PLAU: variants seen among roughly 807,000 people sequenced by gnomAD.
PLAU encodes plasminogen activator, urokinase.
In PLAU, 32 loss-of-function variants were observed where a neutral mutation model predicts 48.9. The observed-to-expected ratio is 0.65, with a 90% CI of 0.49 to 0.88. The LOEUF is 0.88. Ranked by LOEUF, PLAU falls within the 40% of genes least tolerant of loss-of-function variation. The pLI is 0.00. For missense variants in PLAU, 455 were observed against 545.2 expected (o/e 0.83, Z 1.65); for synonymous variants, 199 against 205.7 (o/e 0.97, Z 0.28).
Position 73,913,640 on chromosome 10 carries a change from G to T in PLAU, c.562G>T (p.Glu188Ter). ...KIIGGEFTTI[E>*]NQPWFAAIYR... The stretch of plus-strand genomic sequence containing the variant: ...TATTGGGGGAGAATTCACCACCATC[G>T]AGAACCAGCCCTGGTTTGCGGCCAT... The change falls in exon 7 of 11, where the codon GAG becomes TAG. Residue 188 changes from glutamate to a stop codon, truncating the protein, a stop_gained. Coordinates refer to ENST00000372764, the MANE Select transcript of PLAU (RefSeq NM_002658.6). LOFTEE classifies it high-confidence loss of function. 2 of 1,613,942 alleles carry T rather than the reference G, an allele frequency of 1.2e-6. No homozygotes were observed. The highest frequency in any genetic ancestry group is 1.7e-6 in the Non-Finnish European group (2 of 1,179,948).
chr10:73,911,793 C>T, intron 2 of PLAU, 181 bp downstream of exon 2: 1 of 1,551,764 alleles, frequency 6.4e-7, no homozygotes, highest in East Asian at 2.4e-5. Context: ...TTGGCACTGG[C>T]TGGCAAGGGA....
rs773954892 is a variant in PLAU, at chr10:73,913,364, T to C, written c.443T>C (p.Val148Ala). 2.5e-6 allele frequency: 4 copies of C among 1,613,988 alleles called. No individual in the cohort carries two copies. The highest frequency in any genetic ancestry group is 2.2e-5 in the East Asian group (1 of 44,874). ...AAGCTGCTTGTCCAAGAGTGCATGG[T>C]GCATGACTGCGCAGATGGTGAGCAT... ...GLKLLVQECMVHDCADGKKPS... is the reference protein window; with the variant it reads ...GLKLLVQECMAHDCADGKKPS... The change falls in exon 6 of 11, where the codon GTG becomes GCG. Residue 148 changes from valine to alanine, a missense_variant. By Grantham distance (64) the Val-to-Ala change is moderately conservative. Coordinates refer to ENST00000372764, the MANE Select transcript of PLAU (RefSeq NM_002658.6).
rs968991989 is a variant in PLAU at position 73,916,250 on chromosome 10, A to T, written c.1120-139A>T. On this transcript the variant is annotated intron_variant, in intron 10 of 10. Coordinates refer to ENST00000372764, the MANE Select transcript of PLAU (RefSeq NM_002658.6). Reference sequence around the variant, plus strand: ...AGAGCGAGATTCTGTCCTCCCCCCGAAAAAAAGAAAGAAAATGGGAAGTCG... The same window carrying T: ...AGAGCGAGATTCTGTCCTCCCCCCGTAAAAAAGAAAGAAAATGGGAAGTCG... The T allele has an allele frequency of 5.3e-5, 41 of 774,704 alleles. No individual in the cohort carries two copies. The African/African-American group carries it at 7.2e-4, about 14-fold the overall frequency. 48.0% of individuals were successfully genotyped at this position (774,704 alleles called of 1,614,324 possible).
chr10:73,913,198 A>G, intron 5 of PLAU, 92 bp from the exon 6 acceptor site: 1 of 1,572,128 alleles, frequency 6.4e-7, no homozygotes, highest in South Asian at 1.1e-5. Context: ...GCACAAGAGA[A>G]GTGCGGCCTC....
chr10:73,912,017 A>G, intron 2 of PLAU, 24 bp from the exon 3 acceptor site: 1 of 1,613,862 alleles, frequency 6.2e-7, no homozygotes, highest in Non-Finnish European at 8.5e-7. Context: ...CCTTTGATGA[A>G]GCCTCCTCCC....
In PLAU at chr10:73,913,599, G is replaced by C; in HGVS notation, c.521G>C (p.Arg174Thr). 6.2e-7 allele frequency: 1 copy of C among 1,613,992 alleles called. No individual in the cohort carries two copies. The highest frequency in any genetic ancestry group is 1.1e-5 in the South Asian group (1 of 91,072). ...TTTCAGTGTGGCCAAAAGACTCTGA[G>C]GCCCCGCTTTAAGATTATTGGGGGA... Reference protein sequence around the residue: ...LKFQCGQKTLRPRFKIIGGEF... With the variant: ...LKFQCGQKTLTPRFKIIGGEF... Residue 174 changes from arginine to threonine, a missense_variant, in exon 7 of 11, where the codon AGG becomes ACG. By Grantham distance (71) the Arg-to-Thr change is moderately conservative. Transcript: ENST00000372764.
intron 6 of PLAU, 53 bp from the exon 7 acceptor site, chr10:73,913,486 G>A (rs2096129342): frequency 2.6e-6 from 4 of 1,565,668 alleles, no homozygotes; most frequent in Non-Finnish European, 3.5e-6. Flanking sequence ...GTGCCCGAGA[G>A]GGATGCTTTC....
Position 73,916,750 on chromosome 10 carries a change from C to T in PLAU, c.*185C>T, listed in dbSNP as rs1247658186. The T allele has an allele frequency of 2.7e-5, 16 of 595,784 alleles. No individual in the cohort carries two copies. The Admixed American group carries it at 4.9e-4, about 18-fold the overall frequency. 36.9% of individuals were successfully genotyped at this position (595,784 alleles called of 1,614,324 possible). ...CCTCAGGCATAGGCCTGGGTGCTGGCTGCCCAGACCCCTCTGGCCAGGATG... is the reference window on the plus strand; with the variant it reads ...CCTCAGGCATAGGCCTGGGTGCTGGTTGCCCAGACCCCTCTGGCCAGGATG... On this transcript the variant is annotated 3_prime_UTR_variant, in exon 11 of 11. Transcript: ENST00000372764.
Position 73,915,399 on chromosome 10 carries a change from G to A in PLAU, c.1119G>A (p.Gln373=), listed in dbSNP as rs2096134587. The change falls in exon 10 of 11, where the codon CAG becomes CAA. Residue 373 remains glutamine, a splice_region_variant and synonymous_variant. Coordinates refer to ENST00000372764, the MANE Select transcript of PLAU (RefSeq NM_002658.6). ...CACAGTGGAAAACAGATTCCTGCCA[G>A]GTGAGTGTTCCAAGCATCTCTCTCC... is the stretch of plus-strand genomic sequence containing the variant. ...ADPQWKTDSC[Q]GDSGGPLVCS... The A allele has an allele frequency of 1.2e-6, 2 of 1,602,310 alleles. No individual in the cohort carries two copies. The highest frequency in any genetic ancestry group is 1.7e-6 in the Non-Finnish European group (2 of 1,174,360).
At chr10:73,915,815 A>T (rs2096135533) in intron 10 of PLAU, among the ~76,000 whole-genome samples, 1 of 152,324 alleles carries the variant, frequency 6.6e-6, no homozygotes, top group Admixed American at 6.5e-5. Context: ...CAGTTGAAAG[A>T]TACAAAACTG....
intron 2 of PLAU, 62 bp from the exon 3 acceptor site, chr10:73,911,979 C>T (rs761198672): frequency 6.2e-7 from 1 of 1,614,150 alleles, no homozygotes; most frequent in South Asian, 1.1e-5. Context: ...CCAGTTTACC[C>T]TCACCCTGGA....
At chr10:73,910,696 T>A (rs1000391832), upstream of PLAU, 3 of 152,212 alleles carry the variant, frequency 2.0e-5, no homozygotes, top group African/African-American at 7.2e-5. Context: ...GTCGCGTTGA[T>A]GAAGACTTCA....
chr10:73,916,807 C>T lies in PLAU; in HGVS notation c.*242C>T. On this transcript the variant is annotated 3_prime_UTR_variant, in exon 11 of 11. Transcript: ENST00000372764. The stretch of plus-strand genomic sequence containing the variant: ...TGGTCCTGACTCAACATGTTACTGA[C>T]CAGCAACTTGTCTTTTTCTGGACTG... 2.0e-6 allele frequency: 1 copy of T among 492,250 alleles called. No homozygotes were observed. Among genetic ancestry groups the T allele is most frequent in the Non-Finnish European group, 3.6e-6 (1 of 277,748 alleles). The allele number at this position is 492,250 out of a possible 1,614,324, so 30.5% of individuals were successfully genotyped here.
At chr10:73,909,276 C>T (rs7894963), upstream of PLAU, 7 of 152,234 alleles carry the variant, frequency 4.6e-5, no homozygotes, top group African/African-American at 1.4e-4. Context: ...TTCCTGATAA[C>T]TAACCTGGGA....
chr10:73,912,341 C>T lies in PLAU; in HGVS notation c.193+19C>T. ...GAAATAGGTATGGGGATCTCCACTG[C>T]AACTGGGAGAGAAATTTGGGGACAG... On this transcript the variant is annotated intron_variant, in intron 4 of 10. Coordinates refer to ENST00000372764, the MANE Select transcript of PLAU (RefSeq NM_002658.6). 6.6e-6 allele frequency: 5 copies of T among 757,000 alleles called. No homozygotes were observed. Among genetic ancestry groups the T allele is most frequent in the Non-Finnish European group, 1.1e-5 (5 of 474,448 alleles). The allele number at this position is 757,000 out of a possible 1,614,324, so 46.9% of individuals were successfully genotyped here.
At chr10:73,913,134 T>G in intron 5 of PLAU, 36 bp downstream of exon 5, 1 of 1,602,540 alleles carries the variant, frequency 6.2e-7, no homozygotes, top group Non-Finnish European at 8.5e-7. Flanking sequence ...AAGCCCTCCC[T>G]ACAGCTTCCC....
At chr10:73,909,457 G>C (rs146594608), upstream of PLAU, among the ~76,000 whole-genome samples, 1 of 152,218 alleles carries the variant, frequency 6.6e-6, no homozygotes, top group Admixed American at 6.5e-5. Context: ...CCCCTGGAAG[G>C]CTGGCAGCTC....
intron 1 of PLAU, 136 bp from the exon 2 acceptor site, chr10:73,911,389 G>A: frequency 1.1e-6 from 1 of 951,730 alleles, no homozygotes; most frequent in Non-Finnish European, 1.6e-6. Context: ...CAGGCTGCCC[G>A]GAGTCCGGAG....
Position 73,914,960 on chromosome 10 carries a change from T to TTTGACC in PLAU, c.970+46_970+51dup, listed in dbSNP as rs776172889. 2.5e-6 allele frequency: 4 copies of TTTGACC among 1,602,570 alleles called. No homozygotes were observed. In the African/African-American group the frequency reaches 5.4e-5, roughly 21 times the overall value. On this transcript the variant is annotated intron_variant, in intron 9 of 10. Coordinates refer to ENST00000372764, the MANE Select transcript of PLAU (RefSeq NM_002658.6). ...TGACTTAGAAGGTCCTGAGGAGTGT[T>TTTGACC]TTGACCTGAAAATGAGCCCAGCGTG...
Sources: gnomAD v4.1 joint callset for allele counts (sites outside exome capture counted in the v4.1 genomes callset) on GRCh38, gnomAD v4.1.1 for gene constraint, MANE v1.5 for transcripts, NCBI Gene and HGNC (gene_info 2026-07-23, HGNC 2026-07-21) for gene names.